SLC25A21: variants seen among roughly 807,000 people sequenced by gnomAD.
SLC25A21 encodes solute carrier family 25 member 21, also known as mitochondrial 2-oxodicarboxylate carrier.
SLC25A21 carries 47 observed loss-of-function variants against 43.8 expected under a neutral mutation model. That is an observed-to-expected ratio of 1.07 (90% CI 0.85 to 1.37). The LOEUF is 1.37. SLC25A21 is among the 40% of genes most tolerant of loss of function. SLC25A21 has a pLI of 0.00. For missense variants in SLC25A21, 352 were observed against 350.2 expected, an observed-to-expected ratio of 1.00 and a Z score of -0.04; for synonymous variants, 131 against 121.3, an observed-to-expected ratio of 1.08 and a Z score of -0.52.
At chr14:36,735,930 AT>A (rs776933723) in intron 3 of SLC25A21, among the ~76,000 whole-genome samples, 2,783 of 84,192 alleles carry the variant, frequency 0.033, 18 homozygotes, top group African/African-American at 0.089. Context: ...TCTGGCCACA[AT>A]TTTTTTTTTT....
At chr14:36,702,072 C>A (rs867590349) in intron 7 of SLC25A21, among the ~76,000 whole-genome samples, 1 of 152,122 alleles carries the variant, frequency 6.6e-6, no homozygotes, top group Admixed American at 6.5e-5. Context: ...TTCCATATAA[C>A]CCCCAGTTAA....
chr14:36,854,074 T>C (rs1889825891), intron 2 of SLC25A21, among the ~76,000 whole-genome samples: 1 of 152,236 alleles, frequency 6.6e-6, no homozygotes. Flanking sequence ...ACTCCCTCCC[T>C]CACTTATTCA....
Position 37,010,647 on chromosome 14 carries a change from A to G in SLC25A21, c.71-135643T>C, listed in dbSNP as rs114216017. 2.3e-3 allele frequency among the ~76,000 whole-genome samples: 346 copies of G among 152,124 alleles called. 2 individuals carry two copies. The highest frequency in any genetic ancestry group is 6.8e-3 in the African/African-American group (282 of 41,422). On this transcript the variant is annotated intron_variant, in intron 1 of 9. Transcript: ENST00000331299. ...TGAGAGTGAGCAAGAGGCCTTCCAG[A>G]CAGAACCTAAAGAATGACCTTTAAA...
At chr14:36,722,901 C>T (rs1335223391) in intron 6 of SLC25A21, among the ~76,000 whole-genome samples, 2 of 152,174 alleles carry the variant, frequency 1.3e-5, no homozygotes, top group African/African-American at 4.8e-5. Context: ...TTCCACTTCT[C>T]TTCCTCCTCT....
At chr14:36,793,428 G>A (rs897113088) in intron 3 of SLC25A21, among the ~76,000 whole-genome samples, 3 of 151,850 alleles carry the variant, frequency 2.0e-5, no homozygotes, top group Non-Finnish European at 2.9e-5. Flanking sequence ...CTGAGGAAAT[G>A]TGGGGAGGAA....
chr14:36,979,514 C>A (rs1281730597), intron 1 of SLC25A21, among the ~76,000 whole-genome samples: 1 of 151,996 alleles, frequency 6.6e-6, no homozygotes, highest in African/African-American at 2.4e-5. Flanking sequence ...CGCTGCCACA[C>A]CTGGCTAATT....
intron 2 of SLC25A21, among the ~76,000 whole-genome samples, chr14:36,830,357 G>A (rs1337891628): frequency 6.6e-6 from 1 of 152,178 alleles, no homozygotes; most frequent in Middle Eastern, 3.2e-3. Flanking sequence ...TGTGAAAAGT[G>A]CCTCATTCGC....
intron 5 of SLC25A21, among the ~76,000 whole-genome samples, chr14:36,727,430 G>A (rs1884646949): frequency 1.3e-5 from 2 of 152,358 alleles, no homozygotes; most frequent in South Asian, 2.1e-4. Flanking sequence ...GCTCACGCCT[G>A]TAATCCCAGC....
At chr14:37,105,923 C>T (rs764432400) in intron 1 of SLC25A21, among the ~76,000 whole-genome samples, 21 of 151,972 alleles carry the variant, frequency 1.4e-4, no homozygotes, top group Non-Finnish European at 7.4e-5. Context: ...TCAGGGACCC[C>T]GAACAGAGGG....
intron 2 of SLC25A21, among the ~76,000 whole-genome samples, chr14:36,873,623 T>C (rs9322968): frequency 0.44 from 66,923 of 151,990 alleles, 16,099 homozygotes; most frequent in Non-Finnish European, 0.52. Flanking sequence ...TCTTTGAGTT[T>C]AGTGATTTGA....
intron 6 of SLC25A21, among the ~76,000 whole-genome samples, chr14:36,724,688 T>C (rs1349993902): frequency 6.6e-6 from 1 of 152,166 alleles, no homozygotes; most frequent in African/African-American, 2.4e-5. Context: ...CACCAAGGAA[T>C]GCTGTCTGCA....
chr14:37,039,368 T>C (rs2138780229), intron 1 of SLC25A21, among the ~76,000 whole-genome samples: 1 of 152,300 alleles, frequency 6.6e-6, no homozygotes, highest in Non-Finnish European at 1.5e-5. Context: ...AAGATACTAA[T>C]AAACATATTC....
chr14:36,696,376 T>G (rs1883024878), intron 7 of SLC25A21, among the ~76,000 whole-genome samples: 1 of 152,178 alleles, frequency 6.6e-6, no homozygotes, highest in Non-Finnish European at 1.5e-5. Flanking sequence ...TCTCTTTTTT[T>G]GTTGTGTCTC....
At chr14:36,709,305 C>T (rs1345990888) in intron 7 of SLC25A21, among the ~76,000 whole-genome samples, 7 of 152,220 alleles carry the variant, frequency 4.6e-5, no homozygotes, top group Non-Finnish European at 1.0e-4. Flanking sequence ...TAATGTTCTA[C>T]TGTCACTGTC....
intron 1 of SLC25A21, among the ~76,000 whole-genome samples, chr14:37,071,166 C>T (rs1337666473): frequency 2.6e-5 from 4 of 152,140 alleles, no homozygotes; most frequent in Non-Finnish European, 5.9e-5. Context: ...CTCTGGAAAG[C>T]TAATTCAGAA....
At chr14:36,719,996 C>T (rs1884311789) in intron 6 of SLC25A21, among the ~76,000 whole-genome samples, 1 of 152,140 alleles carries the variant, frequency 6.6e-6, no homozygotes, top group Non-Finnish European at 1.5e-5. Flanking sequence ...TGCCGTGCTG[C>T]ACTTGGATCC....
At chr14:37,095,183 G>A (rs1420295646) in intron 1 of SLC25A21, among the ~76,000 whole-genome samples, 3 of 152,238 alleles carry the variant, frequency 2.0e-5, no homozygotes, top group African/African-American at 4.8e-5. Context: ...TTTAGAATAG[G>A]TTTGTCACAT....
intron 2 of SLC25A21, among the ~76,000 whole-genome samples, chr14:36,853,873 G>C (rs545091580): frequency 2.0e-5 from 3 of 152,304 alleles, no homozygotes; most frequent in South Asian, 4.1e-4. Flanking sequence ...TTGGATTAGA[G>C]AGCACAGTCC....
At chr14:36,725,791 C>A in intron 5 of SLC25A21, 114 bp from the exon 6 acceptor site, 3 of 466,288 alleles carry the variant, frequency 6.4e-6, no homozygotes, top group South Asian at 5.8e-5. Context: ...GAGAAACCTA[C>A]ATAAACGCAC....
Sources: allele counts gnomAD v4.1 joint callset (sites outside exome capture counted in the v4.1 genomes callset), GRCh38; gene constraint gnomAD v4.1.1; transcripts MANE v1.5; gene names NCBI Gene and HGNC (gene_info 2026-07-23, HGNC 2026-07-21).